CAMSAP2: variants seen among roughly 807,000 people sequenced by gnomAD.
The protein encoded by CAMSAP2 is calmodulin-regulated spectrin-associated protein 2.
In CAMSAP2, 26 loss-of-function variants were observed where a neutral mutation model predicts 146.1. The observed-to-expected ratio is 0.18, with a 90% CI of 0.13 to 0.25. The LOEUF is 0.25. Ranked by LOEUF, CAMSAP2 falls within the 10% of genes least tolerant of loss-of-function variation. The pLI is 1.00. For synonymous variants in CAMSAP2, 499 were observed against 596.6 expected (o/e 0.84, Z 2.38); for missense variants, 1,381 against 1,759.3 (o/e 0.78, Z 3.85).
chr1:200,818,334 G>A (rs1666662585), intron 4 of CAMSAP2, among the ~76,000 whole-genome samples: 1 of 152,080 alleles, frequency 6.6e-6, no homozygotes. Context: ...AGACATTGTT[G>A]TATTACATGG....
chr1:200,852,355 A>G (rs1667642385), intron 11 of CAMSAP2, among the ~76,000 whole-genome samples, 186 bp from the exon 12 acceptor site: 1 of 152,078 alleles, frequency 6.6e-6, no homozygotes, highest in East Asian at 1.9e-4. Flanking sequence ...CTCTTTTTTG[A>G]TGGAACTGTT....
chr1:200,799,696 A>G (rs893651767), intron 2 of CAMSAP2, among the ~76,000 whole-genome samples: 5 of 151,724 alleles, frequency 3.3e-5, no homozygotes, highest in African/African-American at 1.2e-4. Flanking sequence ...GATCGTAGTT[A>G]TTTCTTGTCT....
intron 4 of CAMSAP2, among the ~76,000 whole-genome samples, chr1:200,828,758 A>T (rs184463910): frequency 1.6e-4 from 25 of 152,342 alleles, no homozygotes; most frequent in Non-Finnish European, 7.3e-5. Context: ...AAGATAAAAG[A>T]TACAGCCAAG....
At chr1:200,745,003 T>G (rs1664282147) in intron 1 of CAMSAP2, among the ~76,000 whole-genome samples, 1 of 152,152 alleles carries the variant, frequency 6.6e-6, no homozygotes, top group African/African-American at 2.4e-5. Flanking sequence ...AAAAATACTA[T>G]TAAGTATATT....
chr1:200,853,422 A>G lies in CAMSAP2; in HGVS notation c.3750A>G (p.Gln1250=). ...AACCCCGTCCTCAAGTAGTAAAACA[A>G]AAAAAACAGCGACCAAAATCTATTC... ...VIKPRPQVVK[Q]KKQRPKSIHR... The change falls in exon 13 of 17, where the codon CAA becomes CAG. Residue 1250 remains glutamine (Q), a synonymous_variant. Coordinates refer to ENST00000358823, the MANE Select transcript of CAMSAP2 (RefSeq NM_203459.4). This position sits in a 1 kb window ranked among gnomAD's most constrained non-coding sequence, Gnocchi z 5.1. 3 of 1,613,960 alleles carry G rather than the reference A, an allele frequency of 1.9e-6. No homozygotes were observed. The highest frequency in any genetic ancestry group is 1.1e-5 in the South Asian group (1 of 91,076).
chr1:200,758,321 T>C (rs1230590501), intron 1 of CAMSAP2, among the ~76,000 whole-genome samples: 1 of 152,258 alleles, frequency 6.6e-6, no homozygotes, highest in Non-Finnish European at 1.5e-5. Context: ...ATCCATTGTT[T>C]ATACATTTGA....
chr1:200,815,674 T>C (rs199849928), intron 4 of CAMSAP2, 30 bp downstream of exon 4: 12 of 1,146,624 alleles, frequency 1.0e-5, no homozygotes, highest in Non-Finnish European at 1.5e-5. Flanking sequence ...AAAGGTGCCT[T>C]TATGAGACTG....
intron 4 of CAMSAP2, among the ~76,000 whole-genome samples, chr1:200,823,587 A>G (rs1051255625): frequency 1.4e-4 from 21 of 152,214 alleles, no homozygotes; most frequent in Admixed American, 5.9e-4. Context: ...TTTTGAGAAG[A>G]CTACCAGAGA....
At position 200,761,115 on chromosome 1, in the gene CAMSAP2, C is replaced by G; in HGVS notation, c.399+17C>G. The G allele has an allele frequency of 6.2e-7, 1 of 1,609,272 alleles. No homozygotes were observed. The highest frequency in any genetic ancestry group is 8.5e-7 in the Non-Finnish European group (1 of 1,176,356). On this transcript the variant is annotated intron_variant, in intron 2 of 16. Transcript: ENST00000358823. ...ATACAGATGGTGAGTCTTTATATAC[C>G]CAAGATTATTTTAAGTTTGAAGTGT...
chr1:200,802,105 A>G (rs1214075505), intron 2 of CAMSAP2, among the ~76,000 whole-genome samples: 1 of 152,216 alleles, frequency 6.6e-6, no homozygotes, highest in Non-Finnish European at 1.5e-5. Context: ...TCTATATAAG[A>G]ATGTCTTTGG....
intron 2 of CAMSAP2, among the ~76,000 whole-genome samples, chr1:200,794,644 C>A (rs921964568): frequency 2.6e-5 from 4 of 152,210 alleles, no homozygotes; most frequent in African/African-American, 9.6e-5. Flanking sequence ...GTACGCATTC[C>A]CAGCACAATG....
intron 2 of CAMSAP2, among the ~76,000 whole-genome samples, chr1:200,776,479 A>G (rs952762842): frequency 2.6e-5 from 4 of 152,220 alleles, no homozygotes; most frequent in East Asian, 3.8e-4. Context: ...AATAGGGTCA[A>G]TGTTCATCCT....
Position 200,857,200 on chromosome 1 carries a change from T to G in CAMSAP2, c.4013-106T>G, listed in dbSNP as rs528614491. 1 of 827,970 alleles carries G rather than the reference T, an allele frequency of 1.2e-6. No homozygotes were observed. Among genetic ancestry groups the G allele is most frequent in the African/African-American group, 1.7e-5 (1 of 57,386 alleles). The allele number at this position is 827,970 out of a possible 1,614,324, so 51.3% of individuals were successfully genotyped here. A position where few individuals can be genotyped will look rare whatever the true frequency, so the allele number is the denominator to read the frequency against. On this transcript the variant is annotated intron_variant, in intron 15 of 16. Transcript: ENST00000358823. This position sits in a 1 kb window ranked among gnomAD's most constrained non-coding sequence, Gnocchi z 4.7. ...CCTTTAAGCACAGAATTTGGTCTTC[T>G]ATTACAATATTTCAGCAGTGTAGGA...
At position 200,819,958 on chromosome 1, in the gene CAMSAP2, G is replaced by A. The variant is rs565370675; in HGVS notation, c.645+4314G>A. ...AGTGAAGTCACATGTGGGAATTACT[G>A]AGTGGATGAATTTGGCAGAATCAGT... On this transcript the variant is annotated intron_variant, in intron 4 of 16. Transcript: ENST00000358823. 1.6e-4 allele frequency among the ~76,000 whole-genome samples: 25 copies of A among 152,232 alleles called. No individual in the cohort carries two copies. The South Asian group carries it at 5.0e-3, about 30-fold the overall frequency.
intron 6 of CAMSAP2, among the ~76,000 whole-genome samples, chr1:200,833,332 G>A (rs930640162): frequency 1.3e-5 from 2 of 152,076 alleles, no homozygotes; most frequent in African/African-American, 4.8e-5. Context: ...AGGAGGAGGT[G>A]GGCAGATAGC....
chr1:200,858,237 C>T lies in CAMSAP2; in HGVS notation c.*178C>T. 2.0e-6 allele frequency: 1 copy of T among 505,744 alleles called. No homozygotes were observed. Among genetic ancestry groups the T allele is most frequent in the Non-Finnish European group, 3.4e-6 (1 of 291,870 alleles). 31.3% of individuals were successfully genotyped at this position (505,744 alleles called of 1,614,324 possible). ...AGTATTTTGGAGTGCAGAACATTCTCAATTAAGTGATAAGTCCAAATGATG... is the reference window on the plus strand; with the variant it reads ...AGTATTTTGGAGTGCAGAACATTCTTAATTAAGTGATAAGTCCAAATGATG... On this transcript the variant is annotated 3_prime_UTR_variant, in exon 17 of 17. Coordinates refer to ENST00000358823, the MANE Select transcript of CAMSAP2 (RefSeq NM_203459.4).
chr1:200,844,980 A>G (rs1385555139), intron 8 of CAMSAP2, 111 bp downstream of exon 8: 4 of 555,002 alleles, frequency 7.2e-6, no homozygotes. Flanking sequence ...TTGGATTTTG[A>G]ACTGTTATAA....
At chr1:200,806,959 G>A (rs773414603) in intron 2 of CAMSAP2, among the ~76,000 whole-genome samples, 11 of 152,134 alleles carry the variant, frequency 7.2e-5, no homozygotes, top group Non-Finnish European at 1.5e-4. Flanking sequence ...AATTGGAACT[G>A]TGACAATCAG....
chr1:200,751,754 G>A (rs1000317335), intron 1 of CAMSAP2, among the ~76,000 whole-genome samples: 1 of 152,164 alleles, frequency 6.6e-6, no homozygotes, highest in Admixed American at 6.6e-5. Flanking sequence ...TGGAAGTCAC[G>A]CAAGAGGTAT....
Sources: allele counts gnomAD v4.1 joint callset (sites outside exome capture counted in the v4.1 genomes callset), GRCh38; gene constraint gnomAD v4.1.1; non-coding constraint Gnocchi (gnomAD v3.1); transcripts MANE v1.5; gene names NCBI Gene and HGNC (gene_info 2026-07-23, HGNC 2026-07-21).